The following COL5A2 variants were observed in gnomAD, a reference collection of about 807,000 sequenced individuals.
The protein encoded by COL5A2 is collagen alpha-2(V) chain.
In COL5A2, 23 loss-of-function variants were observed where a neutral mutation model predicts 208.2. That is an observed-to-expected ratio of 0.11 (90% CI 0.08 to 0.16). The LOEUF is 0.16. Among genes scored for constraint, COL5A2 ranks in the 10% least tolerant of loss-of-function variants. The pLI is 1.00. For missense variants in COL5A2, 1,590 were observed against 1,956.4 expected (o/e 0.81, Z 3.53); for synonymous variants, 625 against 628.5 (o/e 0.99, Z 0.08).
chr2:189,410,594 A>G, the COL5A2 span, among the ~76,000 whole-genome samples: 1 of 152,108 alleles, frequency 6.6e-6, no homozygotes, highest in Non-Finnish European at 1.5e-5. Context: ...TAATTATCAA[A>G]TAAACACTAA....
chr2:189,111,670 C>G (rs1057360570), intron 1 of COL5A2, among the ~76,000 whole-genome samples: 1 of 152,108 alleles, frequency 6.6e-6, no homozygotes, highest in Admixed American at 6.6e-5. Flanking sequence ...TTTATTCATT[C>G]ATTCATTGTG....
chr2:189,251,657 T>A, the COL5A2 span, among the ~76,000 whole-genome samples: 23 of 144,622 alleles, frequency 1.6e-4, no homozygotes, highest in Non-Finnish European at 2.7e-4. Flanking sequence ...CAAAAGACAG[T>A]AAAAAAAAAA....
At chr2:189,229,705 T>C (rs549774693), upstream of COL5A2, among the ~76,000 whole-genome samples, 2 of 151,940 alleles carry the variant, frequency 1.3e-5, no homozygotes, top group Admixed American at 6.6e-5. Context: ...TGAAAACATA[T>C]TCTATGTTCA....
intron 24 of COL5A2, 26 bp from the exon 25 acceptor site, chr2:189,064,681 G>A (rs1171267798): frequency 6.8e-7 from 1 of 1,466,588 alleles, no homozygotes; most frequent in African/African-American, 1.4e-5. Context: ...GCAGATGCAT[G>A]AAGAAAAAGA....
At chr2:189,111,062 TGG>T (rs1687250324) in intron 1 of COL5A2, among the ~76,000 whole-genome samples, 1 of 152,214 alleles carries the variant, frequency 6.6e-6, no homozygotes, top group African/African-American at 2.4e-5. Flanking sequence ...TACTCAACTG[TGG>T]CAGAAATGCA....
chr2:189,093,494 G>A (rs564202669), intron 6 of COL5A2, among the ~76,000 whole-genome samples: 13 of 152,128 alleles, frequency 8.5e-5, no homozygotes, highest in Non-Finnish European at 1.5e-4. Flanking sequence ...AGGTGGTGGA[G>A]GTGGCAGTTT....
At chr2:189,190,727 A>C (rs1688912306) in intron 1 of COL5A2, among the ~76,000 whole-genome samples, 1 of 152,262 alleles carries the variant, frequency 6.6e-6, no homozygotes. Flanking sequence ...CATGAGCATC[A>C]GTCATCACAC....
chr2:189,088,690 C>T lies in COL5A2; in HGVS notation c.645+5G>A. On this transcript the variant is annotated splice_donor_5th_base_variant and intron_variant, in intron 8 of 53. Transcript: ENST00000374866. ...ACTTCAATGATCAGTAAAATTTATG[C>T]TTACCACAGAGCCAGGCATTAGTCC... is the stretch of plus-strand genomic sequence containing the variant. 6.2e-7 allele frequency: 1 copy of T among 1,611,620 alleles called. No individual in the cohort carries two copies.
the COL5A2 span, among the ~76,000 whole-genome samples, chr2:189,256,888 A>G: frequency 1.3e-5 from 2 of 152,160 alleles, no homozygotes; most frequent in South Asian, 2.1e-4. Context: ...TCGGCCTCCC[A>G]AAGTGTTGGG....
At chr2:189,242,250 A>G in the COL5A2 span, among the ~76,000 whole-genome samples, 1 of 152,136 alleles carries the variant, frequency 6.6e-6, no homozygotes, top group Admixed American at 6.5e-5. Context: ...GATACTTACT[A>G]TTTATTAAGT....
At chr2:189,214,219 C>T (rs1287019805) in intron 1 of COL5A2, among the ~76,000 whole-genome samples, 1 of 151,874 alleles carries the variant, frequency 6.6e-6, no homozygotes, top group Non-Finnish European at 1.5e-5. Flanking sequence ...AATATGAAGC[C>T]TGAACAAAGA....
chr2:189,338,227 T>A, the COL5A2 span, among the ~76,000 whole-genome samples: 417 of 152,266 alleles, frequency 2.7e-3, no homozygotes, highest in African/African-American at 9.5e-3. Flanking sequence ...TGCCTCCAGA[T>A]CCCTGGCTCT....
the COL5A2 span, among the ~76,000 whole-genome samples, chr2:189,315,870 C>G: frequency 2.5e-4 from 38 of 152,262 alleles, no homozygotes; most frequent in African/African-American, 8.9e-4. Context: ...CTCAATATCA[C>G]TGATCACTAA....
intron 1 of COL5A2, among the ~76,000 whole-genome samples, chr2:189,191,167 C>CCCAAA (rs1364875796): frequency 1.6e-5 from 2 of 124,890 alleles, no homozygotes; most frequent in Non-Finnish European, 1.6e-5. Flanking sequence ...AACAAACAAA[C>CCCAAA]AACAAAAAAC....
chr2:189,384,732 G>A, the COL5A2 span, among the ~76,000 whole-genome samples: 1 of 152,060 alleles, frequency 6.6e-6, no homozygotes, highest in Non-Finnish European at 1.5e-5. Context: ...CCTTTGCTGT[G>A]GAGTATCCTT....
chr2:189,148,172 C>T (rs1293705299), intron 1 of COL5A2, among the ~76,000 whole-genome samples: 1 of 151,914 alleles, frequency 6.6e-6, no homozygotes, highest in East Asian at 1.9e-4. Flanking sequence ...ATGTGAAAGA[C>T]CCAGAAAATG....
the COL5A2 span, among the ~76,000 whole-genome samples, chr2:189,295,813 G>A: frequency 6.6e-6 from 1 of 152,112 alleles, no homozygotes; most frequent in Admixed American, 6.6e-5. Context: ...GATCTACAAA[G>A]AGTAAAATTG....
the COL5A2 span, among the ~76,000 whole-genome samples, chr2:189,237,960 C>T: frequency 4.0e-5 from 6 of 151,894 alleles, no homozygotes; most frequent in South Asian, 8.3e-4. Flanking sequence ...GAAAATAGAG[C>T]TAATCTTAAT....
At chr2:189,371,303 C>T in the COL5A2 span, among the ~76,000 whole-genome samples, 1 of 152,126 alleles carries the variant, frequency 6.6e-6, no homozygotes. Flanking sequence ...CAAAAACTGA[C>T]TAACATGGAA....
Sources: gnomAD v4.1 joint callset for allele counts (sites outside exome capture counted in the v4.1 genomes callset) on GRCh38, gnomAD v4.1.1 for gene constraint, MANE v1.5 for transcripts, NCBI Gene and HGNC (gene_info 2026-07-23, HGNC 2026-07-21) for gene names.